Variants in FLRT2 observed in about 807,000 individuals in gnomAD.
FLRT2 encodes leucine-rich repeat transmembrane protein FLRT2.
In FLRT2, 15 loss-of-function variants were observed where a neutral mutation model predicts 40.0. The observed-to-expected ratio is 0.38, with a 90% CI of 0.25 to 0.58. The LOEUF (loss-of-function observed/expected upper bound fraction) is 0.58, where lower values mean the gene tolerates loss of function less well. FLRT2 is among the 20% of genes least tolerant of loss of function. The probability of loss-of-function intolerance (pLI) is 0.71; values close to 1 mark genes in which losing one functional copy is unlikely to be tolerated. For missense variants in FLRT2, 726 were observed against 840.0 expected (o/e 0.86, Z 1.68); for synonymous variants, 380 against 336.8 (o/e 1.13, Z -1.41).
chr14:85,543,429 G>C (rs1388326926), intron 1 of FLRT2, among the ~76,000 whole-genome samples: 1 of 151,894 alleles, frequency 6.6e-6, no homozygotes, highest in Non-Finnish European at 1.5e-5. Flanking sequence ...ATCAGGGCTG[G>C]CTTCTCTCTT....
intron 1 of FLRT2, among the ~76,000 whole-genome samples, chr14:85,543,320 T>C (rs1165104761): frequency 6.6e-6 from 1 of 152,124 alleles, no homozygotes; most frequent in Non-Finnish European, 1.5e-5. Flanking sequence ...TTGTAGTCAC[T>C]TGTGACTTTC....
chr14:85,631,329 C>G lies in FLRT2; in HGVS notation c.*7832C>G, dbSNP rs540782529. ...CTGCCAATTATCTGACCGCTTTGTG[C>G]GGTTAATATAACTTTAAAATACATT... On this transcript the variant is annotated 3_prime_UTR_variant, in exon 2 of 2. Transcript: ENST00000330753. The G allele has an allele frequency of 1.3e-5, 2 of 151,760 alleles. No individual in the cohort carries two copies. Among genetic ancestry groups the G allele is most frequent in the Non-Finnish European group, 2.9e-5 (2 of 67,988 alleles). 9.4% of individuals were successfully genotyped at this position (151,760 alleles called of 1,614,324 possible).
rs977418198 is a variant in FLRT2 at position 85,631,946 on chromosome 14, C to T, written c.*8449C>T. 33 of 152,290 alleles carry T rather than the reference C, an allele frequency of 2.2e-4. No individual in the cohort carries two copies. Among genetic ancestry groups the T allele is most frequent in the Middle Eastern group, 6.8e-3 (2 of 294 alleles). 9.4% of individuals were successfully genotyped at this position (152,290 alleles called of 1,614,324 possible). ...GTTCAAGCAATTCTCCTGCCTCAGC[C>T]TCCTGCGTAGCTGGGACTACAGGCG... On this transcript the variant is annotated 3_prime_UTR_variant, in exon 2 of 2. Coordinates refer to ENST00000330753, the MANE Select transcript of FLRT2 (RefSeq NM_013231.6).
Position 85,623,618 on chromosome 14 carries a change from GAAT to G in FLRT2, c.*123_*125del. On this transcript the variant is annotated 3_prime_UTR_variant, in exon 2 of 2. Transcript: ENST00000330753. ...GTTACACAGATGCATTTGTGCATTT[GAAT>G]ACTCTGTAATTTATACGGTGTACTA... 1 of 750,856 alleles carries G rather than the reference GAAT, an allele frequency of 1.3e-6. No homozygotes were observed. The highest frequency in any genetic ancestry group is 2.0e-6 in the Non-Finnish European group (1 of 505,018). 46.5% of individuals were successfully genotyped at this position (750,856 alleles called of 1,614,324 possible).
At position 85,651,564 on chromosome 14, in the gene FLRT2, G is replaced by A. The variant is rs1267736152; in HGVS notation, c.*28067G>A. ...TTGGGAAGATTTTAGAATACTTAAC[G>A]TATGTTTTCTAATTAAGCAGTGACC... On this transcript the variant is annotated 3_prime_UTR_variant, in exon 2 of 2. Transcript: ENST00000330753. The A allele has an allele frequency of 2.6e-5, 4 of 151,924 alleles. No homozygotes were observed. Among genetic ancestry groups the A allele is most frequent in the Middle Eastern group, 3.2e-3 (1 of 316 alleles). The allele number at this position is 151,924 out of a possible 1,614,324, so 9.4% of individuals were successfully genotyped here. A position where few individuals can be genotyped will look rare whatever the true frequency, so the allele number is the denominator to read the frequency against.
At position 85,530,329 on chromosome 14, in the gene FLRT2, T is replaced by C. The variant is rs1460588007; in HGVS notation, c.-582T>C. On this transcript the variant is annotated 5_prime_UTR_variant, in exon 1 of 2. Transcript: ENST00000330753. Reference sequence around the variant, plus strand: ...GGTGCCCAGCAGCGGCGAGGCGGCATCTCCGCTCCCGCCGCCGTGTCCACC... The same window carrying C: ...GGTGCCCAGCAGCGGCGAGGCGGCACCTCCGCTCCCGCCGCCGTGTCCACC... 1.3e-5 allele frequency: 2 copies of C among 152,588 alleles called. No homozygotes were observed. Among genetic ancestry groups the C allele is most frequent in the Non-Finnish European group, 2.9e-5 (2 of 68,116 alleles). 9.5% of individuals were successfully genotyped at this position (152,588 alleles called of 1,614,324 possible). A position where few individuals can be genotyped will look rare whatever the true frequency, so the allele number is the denominator to read the frequency against.
At position 85,638,987 on chromosome 14, in the gene FLRT2, A is replaced by C. The variant is rs974506075; in HGVS notation, c.*15490A>C. 9.2e-5 allele frequency: 14 copies of C among 152,252 alleles called. No homozygotes were observed. The highest frequency in any genetic ancestry group is 2.7e-4 in the African/African-American group (11 of 41,460). 9.4% of individuals were successfully genotyped at this position (152,252 alleles called of 1,614,324 possible). A position where few individuals can be genotyped will look rare whatever the true frequency, so the allele number is the denominator to read the frequency against. ...CAGTGAAACCAAGTTTATCAACTCT[A>C]TCTGAAAATAAAAATGTCCAAGAAA... On this transcript the variant is annotated 3_prime_UTR_variant, in exon 2 of 2. Coordinates refer to ENST00000330753, the MANE Select transcript of FLRT2 (RefSeq NM_013231.6).
At chr14:85,542,956 C>G (rs1439850739) in intron 1 of FLRT2, among the ~76,000 whole-genome samples, 1 of 152,172 alleles carries the variant, frequency 6.6e-6, no homozygotes, top group Non-Finnish European at 1.5e-5. Flanking sequence ...CCTATAGTCA[C>G]TCTTTTCTAA....
chr14:85,593,661 A>G (rs1892005173), intron 1 of FLRT2, among the ~76,000 whole-genome samples: 1 of 152,190 alleles, frequency 6.6e-6, no homozygotes, highest in African/African-American at 2.4e-5. Context: ...TCTTTTGGCT[A>G]TTTAGCATTG....
At position 85,628,788 on chromosome 14, in the gene FLRT2, T is replaced by C. The variant is rs527582785; in HGVS notation, c.*5291T>C. 6.6e-6 allele frequency: 1 copy of C among 152,326 alleles called. No homozygotes were observed. Among genetic ancestry groups the C allele is most frequent in the African/African-American group, 2.4e-5 (1 of 41,574 alleles). The allele number at this position is 152,326 out of a possible 1,614,324, so 9.4% of individuals were successfully genotyped here. A position where few individuals can be genotyped will look rare whatever the true frequency, so the allele number is the denominator to read the frequency against. Reference sequence around the variant, plus strand: ...TTACTTTTGGGGATTTTATGTAAAGTAACATCTATGCTATTCTTGGGTACT... The same window carrying C: ...TTACTTTTGGGGATTTTATGTAAAGCAACATCTATGCTATTCTTGGGTACT... On this transcript the variant is annotated 3_prime_UTR_variant, in exon 2 of 2. Transcript: ENST00000330753.
At chr14:85,543,051 T>G (rs905764851) in intron 1 of FLRT2, among the ~76,000 whole-genome samples, 1 of 152,208 alleles carries the variant, frequency 6.6e-6, no homozygotes, top group Non-Finnish European at 1.5e-5. Context: ...AAAGTCCAAC[T>G]TCCTGTAACC....
chr14:85,622,439 A>C lies in FLRT2; in HGVS notation c.925A>C (p.Asn309His). The C allele has an allele frequency of 1.2e-6, 2 of 1,614,196 alleles. No individual in the cohort carries two copies. The highest frequency in any genetic ancestry group is 1.7e-6 in the Non-Finnish European group (2 of 1,180,034). The change falls in exon 2 of 2, where the codon AAT becomes CAT. Residue 309 changes from asparagine (N) to histidine (H), a missense_variant. Physicochemically the swap from Asn to His is moderately conservative, Grantham distance 68 (BLOSUM62 1). This residue lies in a region of FLRT2 where 611 missense variants were observed against 690.0 expected (regional missense o/e 0.89). Transcript: ENST00000330753. The part of the protein sequence containing the change: ...LSNLKQLTAR[N>H]NPWFCDCSIK... ...CAACCTGAAGCAGCTCACTGCTCGGAATAACCCTTGGTTTTGTGACTGCAG... is the reference window on the plus strand; with the variant it reads ...CAACCTGAAGCAGCTCACTGCTCGGCATAACCCTTGGTTTTGTGACTGCAG...
rs891958418 is a variant in FLRT2 at position 85,633,081 on chromosome 14, T to C, written c.*9584T>C. On this transcript the variant is annotated 3_prime_UTR_variant, in exon 2 of 2. Coordinates refer to ENST00000330753, the MANE Select transcript of FLRT2 (RefSeq NM_013231.6). ...GTGACAAATTGCCAGCTTTTTATGATGAAAATCAAATTTCTTGTGTATTGG... is the reference window on the plus strand; with the variant it reads ...GTGACAAATTGCCAGCTTTTTATGACGAAAATCAAATTTCTTGTGTATTGG... The C allele has an allele frequency of 1.3e-5, 2 of 152,212 alleles. No individual in the cohort carries two copies. Among genetic ancestry groups the C allele is most frequent in the South Asian group, 2.1e-4 (1 of 4,834 alleles). 9.4% of individuals were successfully genotyped at this position (152,212 alleles called of 1,614,324 possible). A position where few individuals can be genotyped will look rare whatever the true frequency, so the allele number is the denominator to read the frequency against.
rs1438902582 is a variant in FLRT2 at position 85,624,092 on chromosome 14, C to T, written c.*595C>T. ...AGCCGGTTCCCGTGAGATAAGTTAA[C>T]CCGGCCTGACAGAATCAAGAAAATT... is the stretch of plus-strand genomic sequence containing the variant. On this transcript the variant is annotated 3_prime_UTR_variant, in exon 2 of 2. Transcript: ENST00000330753. 4 of 167,036 alleles carry T rather than the reference C, an allele frequency of 2.4e-5. No homozygotes were observed. Among genetic ancestry groups the T allele is most frequent in the East Asian group, 3.8e-4 (2 of 5,206 alleles). The allele number at this position is 167,036 out of a possible 1,614,324, so 10.3% of individuals were successfully genotyped here.
chr14:85,566,168 G>A (rs554282078), intron 1 of FLRT2, among the ~76,000 whole-genome samples: 6 of 152,228 alleles, frequency 3.9e-5, no homozygotes, highest in African/African-American at 1.4e-4. Flanking sequence ...GTAATCTGAT[G>A]ATTCATACAC....
In FLRT2 at chr14:85,633,630, C is replaced by G. The variant is rs183653960; in HGVS notation, c.*10133C>G. 3 of 118,716 alleles carry G rather than the reference C, an allele frequency of 2.5e-5. No homozygotes were observed. The highest frequency in any genetic ancestry group is 7.8e-5 in the African/African-American group (3 of 38,506). The allele number at this position is 118,716 out of a possible 1,614,324, so 7.4% of individuals were successfully genotyped here. On this transcript the variant is annotated 3_prime_UTR_variant, in exon 2 of 2. Transcript: ENST00000330753. ...CCTGGGCAATGCAGTGAGACCCTAT[C>G]TCTAAAAAAAAAAAAAAAAATTAGC...
Position 85,632,326 on chromosome 14 carries a change from G to A in FLRT2, c.*8829G>A, listed in dbSNP as rs1038770158. 6.6e-6 allele frequency: 1 copy of A among 151,764 alleles called. No homozygotes were observed. The highest frequency in any genetic ancestry group is 2.4e-5 in the African/African-American group (1 of 41,330). 9.4% of individuals were successfully genotyped at this position (151,764 alleles called of 1,614,324 possible). Reference sequence around the variant, plus strand: ...CTCTACTAAAAATACAAAAAATTTAGCCGGGCTTGGTGGTGCGTGCCTGTA... The same window carrying A: ...CTCTACTAAAAATACAAAAAATTTAACCGGGCTTGGTGGTGCGTGCCTGTA... On this transcript the variant is annotated 3_prime_UTR_variant, in exon 2 of 2. Transcript: ENST00000330753.
rs1425161664 is a variant in FLRT2 at position 85,623,000 on chromosome 14, C to T, written c.1486C>T (p.Leu496=). Reference sequence around the variant, plus strand: ...CACCTATCGGATTTGTTTAGTGCCACTGGATGCTTTTAACTACCGCGCGGT... The same window carrying T: ...CACCTATCGGATTTGTTTAGTGCCATTGGATGCTTTTAACTACCGCGCGGT... The part of the protein sequence containing the change: ...RSTYRICLVP[L]DAFNYRAVED... The change falls in exon 2 of 2, where the codon CTG becomes TTG. Residue 496 remains leucine, a synonymous_variant. Coordinates refer to ENST00000330753, the MANE Select transcript of FLRT2 (RefSeq NM_013231.6). 9.9e-6 allele frequency: 16 copies of T among 1,614,174 alleles called. No homozygotes were observed. Among genetic ancestry groups the T allele is most frequent in the Non-Finnish European group, 1.4e-5 (16 of 1,180,036 alleles).
rs1193262833 is a variant in FLRT2 at position 85,651,962 on chromosome 14, G to A, written c.*28465G>A. The A allele has an allele frequency of 1.3e-5, 2 of 151,878 alleles. No individual in the cohort carries two copies. Among genetic ancestry groups the A allele is most frequent in the Non-Finnish European group, 2.9e-5 (2 of 67,926 alleles). The allele number at this position is 151,878 out of a possible 1,614,324, so 9.4% of individuals were successfully genotyped here. A position where few individuals can be genotyped will look rare whatever the true frequency, so the allele number is the denominator to read the frequency against. ...TAAATATGCTTTCCCACTAGGGCTG[G>A]GGCTAATGGAAAATACATCTTAAAA... On this transcript the variant is annotated 3_prime_UTR_variant, in exon 2 of 2. Transcript: ENST00000330753.
Sources: allele counts gnomAD v4.1 joint callset (sites outside exome capture counted in the v4.1 genomes callset), GRCh38; gene constraint gnomAD v4.1.1; regional missense constraint gnomAD v4.1.1; transcripts MANE v1.5; gene names NCBI Gene and HGNC (gene_info 2026-07-23, HGNC 2026-07-21).